LRP1B: variants seen among roughly 807,000 people sequenced by gnomAD.
LRP1B encodes the protein LDL receptor related protein 1B.
A neutral mutation model predicts 556.6 loss-of-function variants in LRP1B; 217 were observed. The ratio of observed to expected loss-of-function variants is 0.39; its 90% CI spans 0.35 to 0.44. LRP1B has a LOEUF of 0.44. LRP1B is among the 20% of genes least tolerant of loss of function. The pLI, the probability that LRP1B is intolerant of heterozygous loss-of-function variation, is 1.00. For missense variants in LRP1B, 5,053 were observed against 5,620.8 expected (o/e 0.90, Z 3.23); for synonymous variants, 2,047 against 1,865.8 (o/e 1.10, Z -2.50).
chr2:141,839,593 T>TA (rs1300033169), intron 1 of LRP1B, among the ~76,000 whole-genome samples: 2 of 152,210 alleles, frequency 1.3e-5, no homozygotes, highest in African/African-American at 4.8e-5. Context: ...TAACAGTGGT[T>TA]AGGCTTAAGC....
intron 3 of LRP1B, among the ~76,000 whole-genome samples, chr2:141,322,568 T>C (rs991236250): frequency 6.6e-6 from 1 of 152,004 alleles, no homozygotes; most frequent in Non-Finnish European, 1.5e-5. Flanking sequence ...ATATGGACCA[T>C]CCTTTGCACA....
At chr2:141,991,939 C>A (rs1313698247) in intron 1 of LRP1B, among the ~76,000 whole-genome samples, 1 of 152,054 alleles carries the variant, frequency 6.6e-6, no homozygotes, top group Non-Finnish European at 1.5e-5. Flanking sequence ...TCATCAATAT[C>A]CCTGGTATTC....
chr2:141,784,950 T>C (rs962940664), intron 2 of LRP1B, among the ~76,000 whole-genome samples: 1 of 151,922 alleles, frequency 6.6e-6, no homozygotes, highest in East Asian at 1.9e-4. Flanking sequence ...AAGTTACCGA[T>C]AGGTGGATAG....
chr2:141,800,602 G>C (rs376942101), intron 2 of LRP1B, among the ~76,000 whole-genome samples: 27 of 152,244 alleles, frequency 1.8e-4, no homozygotes, highest in African/African-American at 6.3e-4. Context: ...TTTTTGTCAG[G>C]ATCAAAGGAG....
intron 1 of LRP1B, among the ~76,000 whole-genome samples, chr2:141,910,891 G>A (rs1348745356): frequency 1.3e-5 from 2 of 151,920 alleles, no homozygotes; most frequent in African/African-American, 4.8e-5. Context: ...GTATTAATAA[G>A]ATAAATAAGC....
At chr2:140,712,347 A>G (rs2105452565) in intron 37 of LRP1B, among the ~76,000 whole-genome samples, 1 of 151,954 alleles carries the variant, frequency 6.6e-6, no homozygotes, top group East Asian at 1.9e-4. Flanking sequence ...TTTTCGACTG[A>G]CTATGCTTTC....
chr2:140,698,313 T>C (rs563484680), intron 41 of LRP1B, among the ~76,000 whole-genome samples: 1 of 152,150 alleles, frequency 6.6e-6, no homozygotes, highest in East Asian at 1.9e-4. Flanking sequence ...CCAGAGTCTG[T>C]GTATGTGGGT....
chr2:140,948,588 G>A (rs1040098713), intron 20 of LRP1B, among the ~76,000 whole-genome samples: 12 of 152,190 alleles, frequency 7.9e-5, no homozygotes, highest in African/African-American at 2.9e-4. Flanking sequence ...TTCTGATTTT[G>A]AAGCAAAATT....
At chr2:140,367,485 C>T (rs537912752) in intron 71 of LRP1B, among the ~76,000 whole-genome samples, 3 of 151,704 alleles carry the variant, frequency 2.0e-5, no homozygotes, top group African/African-American at 7.3e-5. Flanking sequence ...GACAATTGAA[C>T]ATCTGTCATT....
intron 2 of LRP1B, among the ~76,000 whole-genome samples, chr2:141,557,515 T>A (rs1686003519): frequency 6.6e-6 from 1 of 151,904 alleles, no homozygotes; most frequent in Admixed American, 6.6e-5. Context: ...TAAGTTCTCA[T>A]GAATGGGATG....
chr2:140,566,052 T>C (rs751306270), intron 43 of LRP1B, among the ~76,000 whole-genome samples: 19 of 152,156 alleles, frequency 1.2e-4, no homozygotes, highest in Non-Finnish European at 2.1e-4. Flanking sequence ...TTCTCTGCTA[T>C]GCCATTTTGG....
chr2:140,429,498 C>T (rs1357256606), intron 66 of LRP1B, among the ~76,000 whole-genome samples: 1 of 152,158 alleles, frequency 6.6e-6, no homozygotes, highest in African/African-American at 2.4e-5. Flanking sequence ...GGCTGTACTG[C>T]CACAAGGCTT....
chr2:140,343,077 T>G (rs1681477071), intron 77 of LRP1B, among the ~76,000 whole-genome samples: 1 of 151,434 alleles, frequency 6.6e-6, no homozygotes, highest in South Asian at 2.1e-4. Context: ...CATAATAAGA[T>G]CTTATGGAAA....
intron 1 of LRP1B, among the ~76,000 whole-genome samples, chr2:141,983,214 C>G (rs528574798): frequency 6.6e-6 from 1 of 151,992 alleles, no homozygotes; most frequent in South Asian, 2.1e-4. Flanking sequence ...AAATTTGGGA[C>G]GTATTTTTCT....
At chr2:141,673,575 C>G (rs1690758839) in intron 2 of LRP1B, among the ~76,000 whole-genome samples, 1 of 152,072 alleles carries the variant, frequency 6.6e-6, no homozygotes, top group Non-Finnish European at 1.5e-5. Context: ...TAATCAAACA[C>G]TGTAAAGAGC....
chr2:141,901,717 T>G (rs1699623512), intron 1 of LRP1B, among the ~76,000 whole-genome samples: 1 of 151,852 alleles, frequency 6.6e-6, no homozygotes, highest in South Asian at 2.1e-4. Flanking sequence ...GAAACCATTA[T>G]TTGGATGATT....
At chr2:141,933,476 C>A (rs1345670747) in intron 1 of LRP1B, among the ~76,000 whole-genome samples, 1 of 151,972 alleles carries the variant, frequency 6.6e-6, no homozygotes, top group Non-Finnish European at 1.5e-5. Flanking sequence ...GAGATAAAAC[C>A]AAAGGCCTAC....
chr2:140,362,304 T>A (rs947748136), intron 72 of LRP1B, among the ~76,000 whole-genome samples: 2 of 151,720 alleles, frequency 1.3e-5, no homozygotes, highest in African/African-American at 4.8e-5. Context: ...GTATCTCTGC[T>A]GTCTCTAGTT....
intron 1 of LRP1B, among the ~76,000 whole-genome samples, chr2:142,060,597 G>C (rs1055519145): frequency 6.6e-6 from 1 of 151,926 alleles, no homozygotes; most frequent in African/African-American, 2.4e-5. Context: ...TGGCAACATC[G>C]TTGTCTTATA....
Sources: gnomAD v4.1 joint callset for allele counts (sites outside exome capture counted in the v4.1 genomes callset) on GRCh38, gnomAD v4.1.1 for gene constraint, MANE v1.5 for transcripts, NCBI Gene and HGNC (gene_info 2026-07-23, HGNC 2026-07-21) for gene names.